Variants in XYLT1 observed in about 807,000 individuals in gnomAD.
XYLT1 encodes the protein beta-D-xylosyltransferase 1.
A neutral mutation model predicts 91.3 loss-of-function variants in XYLT1; 36 were observed. The observed-to-expected ratio is 0.39, with a 90% CI of 0.30 to 0.52. XYLT1 has a LOEUF of 0.52. XYLT1 is among the 20% of genes least tolerant of loss of function. The pLI, the probability that XYLT1 is intolerant of heterozygous loss-of-function variation, is 0.68. For missense variants in XYLT1, 1,242 were observed against 1,284.5 expected (o/e 0.97, Z 0.51); for synonymous variants, 588 against 532.0 (o/e 1.11, Z -1.45).
At position 17,108,963 on chromosome 16, in the gene XYLT1, C is replaced by A. The variant is rs1317519940; in HGVS notation, c.2612G>T (p.Ser871Ile). ...GAGGACGGGGTTTAGGCTCTGGAAG[C>A]TCTGCTCCATGTAGGCATTGCGGAG... Reference protein sequence around the residue: ...GPLRNAYMEQSFQSLNPVLSL... With the variant: ...GPLRNAYMEQIFQSLNPVLSL... Residue 871 changes from serine to isoleucine, a missense_variant, in exon 12 of 12, where the codon AGC becomes ATC. Around this residue, in one of 3 missense-constraint regions of XYLT1, gnomAD observed 511 missense variants for 497.0 expected, o/e 1.03. Coordinates refer to ENST00000261381, the MANE Select transcript of XYLT1 (RefSeq NM_022166.4). 2 of 1,578,394 alleles carry A rather than the reference C, an allele frequency of 1.3e-6. No individual in the cohort carries two copies. The highest frequency in any genetic ancestry group is 3.4e-5 in the Admixed American group (2 of 58,696).
intron 2 of XYLT1, among the ~76,000 whole-genome samples, chr16:17,357,201 G>A (rs1373058810): frequency 4.2e-4 from 31 of 73,880 alleles, no homozygotes; most frequent in African/African-American, 1.2e-3. Flanking sequence ...AAAAAAAAAC[G>A]CTACCACTCA....
At chr16:17,402,674 T>C (rs2035984617) in intron 1 of XYLT1, among the ~76,000 whole-genome samples, 1 of 152,116 alleles carries the variant, frequency 6.6e-6, no homozygotes, top group South Asian at 2.1e-4. Flanking sequence ...CATTAAGCTC[T>C]CTTGATATTG....
chr16:17,431,002 A>G (rs1016791965), intron 1 of XYLT1, among the ~76,000 whole-genome samples: 2 of 152,254 alleles, frequency 1.3e-5, no homozygotes, highest in Admixed American at 6.5e-5. Flanking sequence ...TAAAATATGT[A>G]TAAGTAAATA....
At chr16:17,337,978 T>C (rs1160748995) in intron 2 of XYLT1, among the ~76,000 whole-genome samples, 2 of 151,954 alleles carry the variant, frequency 1.3e-5, no homozygotes, top group Non-Finnish European at 2.9e-5. Flanking sequence ...GGTTTCGCCA[T>C]GTTGGCCAGG....
At position 17,293,012 on chromosome 16, in the gene XYLT1, T is replaced by C. The variant is rs1388482445; in HGVS notation, c.403-33514A>G. Reference sequence around the variant, plus strand: ...GAATTGTAAGCTGAGTTGGGCTCCCTGCAGGCATGGGAGCATTTCAGAGCC... The same window carrying C: ...GAATTGTAAGCTGAGTTGGGCTCCCCGCAGGCATGGGAGCATTTCAGAGCC... On this transcript the variant is annotated intron_variant, in intron 2 of 11. Transcript: ENST00000261381. Among the ~76,000 whole-genome samples the C allele has an allele frequency of 3.3e-5, 5 of 152,172 alleles. No homozygotes were observed. In the East Asian group the frequency reaches 7.7e-4, roughly 24 times the overall value.
At chr16:17,185,207 A>C (rs1055485604) in intron 5 of XYLT1, among the ~76,000 whole-genome samples, 9 of 152,378 alleles carry the variant, frequency 5.9e-5, no homozygotes, top group South Asian at 4.1e-4. Flanking sequence ...GCATTTCTGC[A>C]AAAGCAGGAG....
At chr16:17,264,869 C>A (rs565997807) in intron 2 of XYLT1, among the ~76,000 whole-genome samples, 4 of 152,252 alleles carry the variant, frequency 2.6e-5, no homozygotes, top group South Asian at 4.2e-4. Flanking sequence ...GATGATAACA[C>A]CTTGGTATCC....
intron 3 of XYLT1, among the ~76,000 whole-genome samples, chr16:17,244,856 T>C (rs1319112872): frequency 6.6e-6 from 1 of 152,202 alleles, no homozygotes; most frequent in African/African-American, 2.4e-5. Context: ...CTTAGGTCTC[T>C]AGCTCCAGGC....
At position 17,138,384 on chromosome 16, in the gene XYLT1, A is replaced by G. The variant is rs1264893522; in HGVS notation, c.1735T>C (p.Phe579Leu). The G allele has an allele frequency of 1.2e-6, 2 of 1,613,816 alleles. No individual in the cohort carries two copies. The highest frequency in any genetic ancestry group is 1.3e-5 in the African/African-American group (1 of 74,920). Residue 579 changes from phenylalanine to leucine, a missense_variant, in exon 8 of 12, where the codon TTC (phenylalanine) becomes CTC (leucine). Transcript: ENST00000261381. ...VDWCGCSPND[F>L]KPQDFHRFQQ... ...AAGCGGTGGAAGTCCTGCGGCTTGA[A>G]GTCATTGGGGGAGCAGCCGCACCAG...
At position 17,141,219 on chromosome 16, in the gene XYLT1, G is replaced by C; in HGVS notation, c.1521C>G (p.Thr507=). Residue 507 remains threonine, a synonymous_variant, in exon 7 of 12, where the codon ACC becomes ACG. Coordinates refer to ENST00000261381, the MANE Select transcript of XYLT1 (RefSeq NM_022166.4). ...TGGTCACCAGATCGTCTGTGGAGAA[G>C]GTCACATATTCTACAAACCTCCGGT... ...LLNRRFVEYV[T]FSTDDLVTKM... 1 of 1,614,230 alleles carries C rather than the reference G, an allele frequency of 6.2e-7. No individual in the cohort carries two copies. Among genetic ancestry groups the C allele is most frequent in the Non-Finnish European group, 8.5e-7 (1 of 1,180,040 alleles).
At position 17,209,313 on chromosome 16, in the gene XYLT1, C is replaced by T. The variant is rs116204232; in HGVS notation, c.914-8659G>A. Among the ~76,000 whole-genome samples the T allele has an allele frequency of 7.6e-3, 1,153 of 152,306 alleles. 16 individuals carry two copies. The highest frequency in any genetic ancestry group is 0.027 in the African/African-American group (1,112 of 41,554). ...GCGCAGTGCCCTCCTGGTTTGTCCA[C>T]GTCGTAGCCTATGTCAGAATTTCAT... On this transcript the variant is annotated intron_variant, in intron 3 of 11. Coordinates refer to ENST00000261381, the MANE Select transcript of XYLT1 (RefSeq NM_022166.4).
rs1195129004 is a variant in XYLT1 at position 17,470,466 on chromosome 16, C to T, written c.331G>A (p.Ala111Thr). The change falls in exon 1 of 12, where the codon GCC becomes ACC. Residue 111 changes from alanine to threonine, a missense_variant. Physicochemically the swap from Ala to Thr is moderately conservative, Grantham distance 58. This residue lies in a region of XYLT1 where 437 missense variants were observed against 411.5 expected (regional missense o/e 1.06). Coordinates refer to ENST00000261381, the MANE Select transcript of XYLT1 (RefSeq NM_022166.4). Reference sequence around the variant, plus strand: ...CGGGCGGGCAGTGCCCCCCGGCTGGCCGGCTGCTGTCCCCGCGGTTCTCCG... The same window carrying T: ...CGGGCGGGCAGTGCCCCCCGGCTGGTCGGCTGCTGTCCCCGCGGTTCTCCG... The part of the protein sequence containing the change: ...GPGEPRGQQP[A>T]SRGALPARAL... 1 of 1,232,324 alleles carries T rather than the reference C, an allele frequency of 8.1e-7. No homozygotes were observed. The highest frequency in any genetic ancestry group is 1.0e-6 in the Non-Finnish European group (1 of 988,192). The allele number at this position is 1,232,324 out of a possible 1,614,324, so 76.3% of individuals were successfully genotyped here.
At chr16:17,451,364 CTT>C (rs2036664018) in intron 1 of XYLT1, among the ~76,000 whole-genome samples, 2 of 152,292 alleles carry the variant, frequency 1.3e-5, no homozygotes, top group East Asian at 3.9e-4. Context: ...ACTATCTTCT[CTT>C]TGTTTCATCT....
chr16:17,210,745 G>A (rs2032741937), intron 3 of XYLT1, among the ~76,000 whole-genome samples: 1 of 152,178 alleles, frequency 6.6e-6, no homozygotes, highest in African/African-American at 2.4e-5. Flanking sequence ...ACCCAAGAGA[G>A]GATTCACATG....
chr16:17,303,952 G>A (rs760205213), intron 2 of XYLT1, among the ~76,000 whole-genome samples: 6 of 152,026 alleles, frequency 3.9e-5, no homozygotes, highest in Non-Finnish European at 7.4e-5. Context: ...ACAAGATACA[G>A]GAACAAAATA....
intron 5 of XYLT1, among the ~76,000 whole-genome samples, chr16:17,165,515 T>G (rs1010913104): frequency 3.5e-5 from 5 of 144,364 alleles, no homozygotes; most frequent in African/African-American, 1.3e-4. Flanking sequence ...TGAAACCTGG[T>G]CTCTACTAAA....
chr16:17,222,315 C>T (rs1013515089), intron 3 of XYLT1, among the ~76,000 whole-genome samples: 5 of 152,190 alleles, frequency 3.3e-5, no homozygotes, highest in Non-Finnish European at 7.3e-5. Context: ...TTTGTCACAA[C>T]TGGAAGAAAG....
chr16:17,430,486 G>C (rs1374428539), intron 1 of XYLT1, among the ~76,000 whole-genome samples: 1 of 152,120 alleles, frequency 6.6e-6, no homozygotes, highest in Admixed American at 6.6e-5. Flanking sequence ...AACTAATACA[G>C]GTGCCTTGTT....
rs576340231 is a variant in XYLT1, at chr16:17,180,362, A to AC, written c.1289+17849_1289+17850insG. On this transcript the variant is annotated intron_variant, in intron 5 of 11. Transcript: ENST00000261381. ...GTTGGAAACTTCCCCAGGGTGGCAA[A>AC]TTTTAAACAAAGATTGACTCTGTAA... Among the ~76,000 whole-genome samples the AC allele has an allele frequency of 2.0e-3, 306 of 152,224 alleles. 1 individual carries two copies. Among genetic ancestry groups the AC allele is most frequent in the African/African-American group, 7.1e-3 (297 of 41,540 alleles).
Sources: gnomAD v4.1 joint callset for allele counts (sites outside exome capture counted in the v4.1 genomes callset) on GRCh38, gnomAD v4.1.1 for gene constraint, gnomAD v4.1.1 regional missense constraint, MANE v1.5 for transcripts, NCBI Gene and HGNC (gene_info 2026-07-23, HGNC 2026-07-21) for gene names.